Variants in VPS13C observed in about 807,000 individuals in gnomAD.
VPS13C encodes the protein intermembrane lipid transfer protein VPS13C.
Under a neutral mutation model 456.8 loss-of-function variants are expected in VPS13C, and 358 were observed. The ratio of observed to expected loss-of-function variants is 0.78; its 90% CI spans 0.72 to 0.86. The LOEUF is 0.86. VPS13C is among the 40% of genes least tolerant of loss of function. VPS13C has a pLI of 0.00. For missense variants in VPS13C, 4,818 were observed against 4,385.4 expected (o/e 1.10, Z -2.79); for synonymous variants, 1,578 against 1,486.7 (o/e 1.06, Z -1.41).
chr15:61,991,799 T>C lies in VPS13C; in HGVS notation c.1357A>G (p.Ile453Val). 1.2e-6 allele frequency: 2 copies of C among 1,608,802 alleles called. No homozygotes were observed. The highest frequency in any genetic ancestry group is 1.7e-6 in the Non-Finnish European group (2 of 1,177,872). The change falls in exon 17 of 85, where the codon ATT becomes GTT. Residue 453 changes from isoleucine to valine, a missense_variant. By Grantham distance (29) the Ile-to-Val change is conservative (BLOSUM62 3). Coordinates refer to ENST00000644861, the MANE Select transcript of VPS13C (RefSeq NM_020821.3). Reference protein sequence around the residue: ...LARQQAQVEVIRSGQKLRKKS... With the variant: ...LARQQAQVEVVRSGQKLRKKS... ...TTCCTTAATTTTTGCCCAGACCGAATCACCTGAAAAATAAAAATTAAAAAA... is the reference window on the plus strand; with the variant it reads ...TTCCTTAATTTTTGCCCAGACCGAACCACCTGAAAAATAAAAATTAAAAAA...
intron 27 of VPS13C, among the ~76,000 whole-genome samples, chr15:61,970,745 C>T (rs1033079567): frequency 3.3e-5 from 5 of 151,652 alleles, no homozygotes; most frequent in Middle Eastern, 3.4e-3. Context: ...CATTCTTTAT[C>T]ACCATGAAGT....
rs775849475 is a variant in VPS13C at position 61,974,287 on chromosome 15, C to T, written c.2538+1G>A. The T allele has an allele frequency of 6.2e-7, 1 of 1,609,950 alleles. No individual in the cohort carries two copies. The highest frequency in any genetic ancestry group is 1.1e-5 in the South Asian group (1 of 90,560). On this transcript the variant is annotated splice_donor_variant, in intron 25 of 84. Coordinates refer to ENST00000644861, the MANE Select transcript of VPS13C (RefSeq NM_020821.3). LOFTEE classifies it high-confidence loss of function. ...TTATACATTTTATTGTATCTATTTACCTGTCTCTCTGGAGACTGGGCTGAT... is the reference window on the plus strand; with the variant it reads ...TTATACATTTTATTGTATCTATTTATCTGTCTCTCTGGAGACTGGGCTGAT...
At chr15:61,943,586 G>A (rs187492992) in intron 45 of VPS13C, among the ~76,000 whole-genome samples, 10 of 152,010 alleles carry the variant, frequency 6.6e-5, no homozygotes, top group East Asian at 3.9e-4. Flanking sequence ...ATGAAACAAC[G>A]TTTTATTCTA....
chr15:61,922,073 C>T (rs200754939), intron 54 of VPS13C, 40 bp from the exon 55 acceptor site: 459 of 1,586,480 alleles, frequency 2.9e-4, no homozygotes, highest in Non-Finnish European at 3.7e-4. Flanking sequence ...AGTCCTTTGG[C>T]TTTAATTACA....
intron 1 of VPS13C, among the ~76,000 whole-genome samples, chr15:62,050,905 C>A (rs1175713567): frequency 9.5e-5 from 14 of 146,980 alleles, no homozygotes; most frequent in African/African-American, 3.5e-4. Flanking sequence ...AGTAAATTAG[C>A]AAATGACATG....
chr15:61,983,851 T>C lies in VPS13C; in HGVS notation c.1883A>G (p.Gln628Arg). ...DSPADQTLIV[Q>R]SQPVEVIYDA... is the part of the protein sequence containing the mutation. The stretch of plus-strand genomic sequence containing the variant: ...ATAGATGACCTCCACAGGCTGGGAC[T>C]GAACAATCAGAGTCTGGTCAGCAGG... Residue 628 changes from glutamine (Q) to arginine (R), a missense_variant, in exon 20 of 85, where the codon CAG becomes CGG. Physicochemically the swap from Gln to Arg is conservative, Grantham distance 43. This residue lies in a region of VPS13C where 4,552 missense variants were observed against 4,130.6 expected (regional missense o/e 1.10). Transcript: ENST00000644861. The C allele has an allele frequency of 6.2e-7, 1 of 1,614,160 alleles. No individual in the cohort carries two copies. Among genetic ancestry groups the C allele is most frequent in the Non-Finnish European group, 8.5e-7 (1 of 1,179,998 alleles).
intron 81 of VPS13C, chr15:61,866,226 G>A: frequency 1.0e-6 from 1 of 984,910 alleles, no homozygotes; most frequent in South Asian, 4.7e-5. Context: ...TCTCATTAGT[G>A]TATAATCATT....
At chr15:62,015,947 AAAAAAAG>A (rs1483683558) in intron 9 of VPS13C, among the ~76,000 whole-genome samples, 35 of 110,672 alleles carry the variant, frequency 3.2e-4, no homozygotes, top group Admixed American at 9.8e-4. Flanking sequence ...AATAAAAAAT[AAAAAAAG>A]AAGTCCAAAA....
In VPS13C at chr15:61,903,582, A is replaced by G. The variant is rs182084192; in HGVS notation, c.9105+3682T>C. On this transcript the variant is annotated intron_variant, in intron 66 of 84. Coordinates refer to ENST00000644861, the MANE Select transcript of VPS13C (RefSeq NM_020821.3). ...TATTGTTAAAATGTCTCTACTACCC[A>G]AAGCGATCTACAAGACCAATGCAAT... Among the ~76,000 whole-genome samples the G allele has an allele frequency of 5.0e-4, 76 of 152,324 alleles. No homozygotes were observed. In the East Asian group the frequency reaches 0.012, roughly 24 times the overall value.
intron 82 of VPS13C, among the ~76,000 whole-genome samples, chr15:61,857,292 T>C (rs962600185): frequency 2.0e-5 from 3 of 152,064 alleles, no homozygotes; most frequent in African/African-American, 7.3e-5. Flanking sequence ...CAGATTAGTC[T>C]TTTGGAGCGA....
intron 9 of VPS13C, among the ~76,000 whole-genome samples, chr15:62,015,001 A>G (rs1056224457): frequency 2.0e-5 from 3 of 152,276 alleles, no homozygotes; most frequent in African/African-American, 7.2e-5. Context: ...AAAGGGACAA[A>G]CAGCAGCAAA....
At chr15:61,975,459 G>A (rs1251837477) in intron 24 of VPS13C, among the ~76,000 whole-genome samples, 2 of 151,994 alleles carry the variant, frequency 1.3e-5, no homozygotes, top group African/African-American at 2.4e-5. Flanking sequence ...CAGATTCTTC[G>A]TGTATTAAAT....
chr15:61,920,534 G>A lies in VPS13C; in HGVS notation c.7176C>T (p.Ser2392=). The A allele has an allele frequency of 6.4e-7, 1 of 1,553,342 alleles. No individual in the cohort carries two copies. Among genetic ancestry groups the A allele is most frequent in the Non-Finnish European group, 8.7e-7 (1 of 1,153,792 alleles). The change falls in exon 56 of 85, where the codon TCC becomes TCT. Residue 2392 remains serine, a synonymous_variant. Transcript: ENST00000644861. ...TGTTGAAAACATTAAGACAACTTTT[G>A]GATATTGTTATATTCATTGTATTTC... The part of the protein sequence containing the change: ...SSGNTMNITI[S]KSCLNVFNNL...
At chr15:61,913,993 A>G (rs1238603205) in intron 61 of VPS13C, among the ~76,000 whole-genome samples, 2 of 152,172 alleles carry the variant, frequency 1.3e-5, no homozygotes, top group South Asian at 2.1e-4. Context: ...GTGAGAGGAT[A>G]AATAGTTTAC....
Position 61,954,732 on chromosome 15 carries a change from A to G in VPS13C, c.4166-178T>C, listed in dbSNP as rs62007765. 8.4e-3 allele frequency among the ~76,000 whole-genome samples: 1,271 copies of G among 152,210 alleles called. 10 individuals carry two copies. Among genetic ancestry groups the G allele is most frequent in the Non-Finnish European group, 0.011 (775 of 67,986 alleles). Reference sequence around the variant, plus strand: ...TGGAAGAGACATATACATTTAAAATACAAACAAACAAGCAGGCCACACCTA... The same window carrying G: ...TGGAAGAGACATATACATTTAAAATGCAAACAAACAAGCAGGCCACACCTA... On this transcript the variant is annotated intron_variant, in intron 37 of 84. Coordinates refer to ENST00000644861, the MANE Select transcript of VPS13C (RefSeq NM_020821.3).
At chr15:62,015,364 T>C (rs997771206) in intron 9 of VPS13C, among the ~76,000 whole-genome samples, 1 of 152,168 alleles carries the variant, frequency 6.6e-6, no homozygotes, top group Non-Finnish European at 1.5e-5. Flanking sequence ...TTTAATTAGA[T>C]CCCATTTGTC....
chr15:61,893,563 A>T (rs902524331), intron 66 of VPS13C, among the ~76,000 whole-genome samples: 1 of 151,666 alleles, frequency 6.6e-6, no homozygotes, highest in Non-Finnish European at 1.5e-5. Flanking sequence ...TGGTAAAACT[A>T]AGTACACAGA....
chr15:61,961,840 G>A lies in VPS13C; in HGVS notation c.3657C>T (p.Ala1219=). The change falls in exon 35 of 85, where the codon GCC becomes GCT. Residue 1219 remains alanine, a synonymous_variant. Coordinates refer to ENST00000644861, the MANE Select transcript of VPS13C (RefSeq NM_020821.3). ...TAKESLSAAT[A]QAAERAATSV... is the part of the protein sequence containing the mutation. ...TTGTGGCAGCCCTTTCTGCAGCCTG[G>A]GCAGTGGCAGCACTCAGAGACTCTT... The A allele has an allele frequency of 6.2e-7, 1 of 1,613,926 alleles. No individual in the cohort carries two copies. Among genetic ancestry groups the A allele is most frequent in the East Asian group, 2.2e-5 (1 of 44,874 alleles).
At chr15:61,854,677 A>C in intron 84 of VPS13C, 119 bp from the exon 85 acceptor site, 1 of 1,143,450 alleles carries the variant, frequency 8.7e-7, no homozygotes, top group Non-Finnish European at 1.3e-6. Flanking sequence ...CTAAGGACCA[A>C]GGATACAGTC....
Sources: allele counts gnomAD v4.1 joint callset (sites outside exome capture counted in the v4.1 genomes callset), GRCh38; gene constraint gnomAD v4.1.1; regional missense constraint gnomAD v4.1.1; transcripts MANE v1.5; gene names NCBI Gene and HGNC (gene_info 2026-07-23, HGNC 2026-07-21).